The following USP47 variants were observed in gnomAD, a reference collection of about 807,000 sequenced individuals.
USP47 encodes ubiquitin carboxyl-terminal hydrolase 47.
Under a neutral mutation model 165.1 loss-of-function variants are expected in USP47, and 35 were observed. The observed-to-expected ratio is 0.21, with a 90% CI of 0.16 to 0.28. The LOEUF (loss-of-function observed/expected upper bound fraction) is 0.28, where lower values mean the gene tolerates loss of function less well. Ranked by LOEUF, USP47 falls within the 10% of genes least tolerant of loss-of-function variation. The pLI is 1.00. For missense variants in USP47, 1,277 were observed against 1,607.4 expected (o/e 0.79, Z 3.52); for synonymous variants, 531 against 544.5 (o/e 0.98, Z 0.35).
intron 1 of USP47, 97 bp downstream of exon 1, chr11:11,842,321 A>G: frequency 1.4e-5 from 19 of 1,403,498 alleles, no homozygotes; most frequent in Non-Finnish European, 1.7e-5. Flanking sequence ...GCCGGGGTGC[A>G]GGCTCGGCTG....
chr11:11,895,403 G>A (rs1032860100), intron 4 of USP47, among the ~76,000 whole-genome samples: 28 of 152,138 alleles, frequency 1.8e-4, no homozygotes, highest in Non-Finnish European at 1.5e-4. Context: ...TATTTTATCA[G>A]GGGTTGTGTT....
intron 1 of USP47, among the ~76,000 whole-genome samples, chr11:11,866,309 G>A (rs138913545): frequency 1.3e-5 from 2 of 152,164 alleles, no homozygotes; most frequent in Non-Finnish European, 2.9e-5. Flanking sequence ...ACAAAGGGGT[G>A]GTGGTCAGGA....
At chr11:11,885,449 C>A (rs939630297) in intron 3 of USP47, among the ~76,000 whole-genome samples, 1 of 152,112 alleles carries the variant, frequency 6.6e-6, no homozygotes, top group Non-Finnish European at 1.5e-5. Context: ...ATCCCCACCC[C>A]CAGCCAAGGG....
intron 8 of USP47, among the ~76,000 whole-genome samples, chr11:11,914,222 G>A (rs1014692490): frequency 1.2e-4 from 19 of 152,046 alleles, no homozygotes; most frequent in Admixed American, 2.0e-4. Context: ...TAGATCCGTG[G>A]AGTAGAATAG....
chr11:11,951,223 T>C (rs1308417169), intron 24 of USP47: 1 of 152,234 alleles, frequency 6.6e-6, no homozygotes, highest in African/African-American at 2.4e-5. Flanking sequence ...GTCTGTATTG[T>C]TTTCCCCTTT....
At chr11:11,855,212 A>T (rs1383870069) in intron 1 of USP47, among the ~76,000 whole-genome samples, 9 of 152,232 alleles carry the variant, frequency 5.9e-5, no homozygotes, top group African/African-American at 2.2e-4. Context: ...TGGTTTATAT[A>T]GGTGGTTGTC....
intron 1 of USP47, among the ~76,000 whole-genome samples, chr11:11,847,600 T>C (rs1457398162): frequency 1.3e-5 from 2 of 152,232 alleles, no homozygotes; most frequent in Admixed American, 6.5e-5. Flanking sequence ...AGAACAGTTT[T>C]TGACTCCTCT....
Position 11,936,476 on chromosome 11 carries a change from G to A in USP47, c.2043G>A (p.Lys681=). The A allele has an allele frequency of 6.3e-7, 1 of 1,596,558 alleles. No individual in the cohort carries two copies. The highest frequency in any genetic ancestry group is 1.1e-5 in the South Asian group (1 of 88,710). ...TTGATCTGCTGTTGGAGACGAGAAA[G>A]CCTGATCAGGTTTTCCAATCTTATA... The part of the protein sequence containing the change: ...YMFDLLLETR[K]PDQVFQSYKP... Residue 681 remains lysine, a synonymous_variant, in exon 17 of 28, where the codon AAG becomes AAA. Coordinates refer to ENST00000527733, the MANE Select transcript of USP47 (RefSeq NM_001282659.2).
rs57342188 is a variant in USP47, at chr11:11,875,033, TTGTGTGTGTGTGTGTG to T, written c.40-5110_40-5095del. Among the ~76,000 whole-genome samples the T allele has an allele frequency of 1.3e-3, 122 of 95,420 alleles. 1 individual carries two copies. Among genetic ancestry groups the T allele is most frequent in the Non-Finnish European group, 1.4e-3 (63 of 44,138 alleles). The allele number at this position is 95,420 out of a possible 152,430, so 62.6% of individuals were successfully genotyped here. On this transcript the variant is annotated intron_variant, in intron 1 of 27. Transcript: ENST00000527733. ...CCAAAAGGGAGAGAAAATTGACTTA[TTGTGTGTGTGTGTGTG>T]TGTGTGTGTGTGTGTGTGTGTGTGT...
chr11:11,890,810 C>A (rs1851465044), intron 3 of USP47, among the ~76,000 whole-genome samples: 1 of 152,170 alleles, frequency 6.6e-6, no homozygotes, highest in Non-Finnish European at 1.5e-5. Flanking sequence ...TTCATATACA[C>A]CACAGAATAC....
chr11:11,885,520 A>C (rs1429510639), intron 3 of USP47, among the ~76,000 whole-genome samples: 2 of 152,146 alleles, frequency 1.3e-5, no homozygotes, highest in East Asian at 3.8e-4. Flanking sequence ...GGATCTTTGC[A>C]ACCCTAAGAT....
At chr11:11,954,479 G>C (rs903496834) in intron 25 of USP47, among the ~76,000 whole-genome samples, 1 of 151,984 alleles carries the variant, frequency 6.6e-6, no homozygotes, top group Non-Finnish European at 1.5e-5. Flanking sequence ...CCATGTGCGA[G>C]GATATTCATG....
rs200742087 is a variant in USP47, at chr11:11,942,413, C to T, written c.2392C>T (p.His798Tyr). Residue 798 changes from histidine (H) to tyrosine (Y), a missense_variant, in exon 20 of 28, where the codon CAT (histidine) becomes TAT (tyrosine). Around this residue, in one of 4 missense-constraint regions of USP47, gnomAD observed 909 missense variants for 1,068.1 expected, o/e 0.85. Transcript: ENST00000527733. Reference sequence around the variant, plus strand: ...TCATTTATGGAAACTCCTGGATCGGCATGCAAATACAATCAGATTATTTGT... The same window carrying T: ...TCATTTATGGAAACTCCTGGATCGGTATGCAAATACAATCAGATTATTTGT... The part of the protein sequence containing the change: ...DSHLWKLLDR[H>Y]ANTIRLFVLL... 244 of 1,613,292 alleles carry T rather than the reference C, an allele frequency of 1.5e-4. No homozygotes were observed. Among genetic ancestry groups the T allele is most frequent in the Non-Finnish European group, 2.0e-4 (233 of 1,179,634 alleles).
At chr11:11,873,641 T>C (rs1850213898) in intron 1 of USP47, among the ~76,000 whole-genome samples, 1 of 152,158 alleles carries the variant, frequency 6.6e-6, no homozygotes, top group Non-Finnish European at 1.5e-5. Flanking sequence ...TTAGTAACTT[T>C]GCACATTCAT....
chr11:11,875,074 TGTG>T (rs752951540), intron 1 of USP47, among the ~76,000 whole-genome samples: 4,914 of 100,358 alleles, frequency 0.049, 158 homozygotes, highest in African/African-American at 0.11. Flanking sequence ...TGTGTGTGTG[TGTG>T]TGTGTTTAAA....
intron 11 of USP47, among the ~76,000 whole-genome samples, chr11:11,926,677 C>T (rs1403478657): frequency 6.6e-6 from 1 of 151,032 alleles, no homozygotes; most frequent in Non-Finnish European, 1.5e-5. Context: ...TCTTTATTTC[C>T]TTCCTTCTGC....
chr11:11,852,945 T>C (rs971421037), intron 1 of USP47, among the ~76,000 whole-genome samples: 2 of 152,238 alleles, frequency 1.3e-5, no homozygotes, highest in African/African-American at 4.8e-5. Context: ...TATTTCTTTT[T>C]GTCCTGCAGT....
intron 1 of USP47, among the ~76,000 whole-genome samples, chr11:11,843,999 A>G (rs369827476): frequency 6.6e-6 from 1 of 152,030 alleles, no homozygotes; most frequent in African/African-American, 2.4e-5. Context: ...TCCTGGAAGC[A>G]TGATCTGTGG....
At chr11:11,923,020 C>G in intron 11 of USP47, 129 bp downstream of exon 11, 1 of 398,432 alleles carries the variant, frequency 2.5e-6, no homozygotes, top group South Asian at 4.1e-5. Context: ...GTTAAGACTT[C>G]TCAAATATAG....
Sources: allele counts gnomAD v4.1 joint callset (sites outside exome capture counted in the v4.1 genomes callset), GRCh38; gene constraint gnomAD v4.1.1; regional missense constraint gnomAD v4.1.1; transcripts MANE v1.5; gene names NCBI Gene and HGNC (gene_info 2026-07-23, HGNC 2026-07-21).